The following CPNE2 variants were observed in gnomAD, a reference collection of about 807,000 sequenced individuals.
CPNE2 encodes the protein copine-2.
A neutral mutation model predicts 69.7 loss-of-function variants in CPNE2; 42 were observed. The ratio of observed to expected loss-of-function variants is 0.60; its 90% CI spans 0.47 to 0.78. The LOEUF is 0.78. Ranked by LOEUF, CPNE2 falls within the 30% of genes least tolerant of loss-of-function variation. The pLI, the probability that CPNE2 is intolerant of heterozygous loss-of-function variation, is 0.00. For synonymous variants in CPNE2, 294 were observed against 289.8 expected (o/e 1.01, Z -0.15); for missense variants, 587 against 732.0 (o/e 0.80, Z 2.29).
At chr16:57,103,609 C>G (rs1467195114) in intron 1 of CPNE2, among the ~76,000 whole-genome samples, 7 of 152,226 alleles carry the variant, frequency 4.6e-5, no homozygotes, top group Non-Finnish European at 7.3e-5. Flanking sequence ...CTCTTCTCCC[C>G]TTCGGGGTTA....
Position 57,121,740 on chromosome 16 carries a change from A to G in CPNE2, c.847A>G (p.Ile283Val). 6.2e-7 allele frequency: 1 copy of G among 1,614,204 alleles called. No individual in the cohort carries two copies. The highest frequency in any genetic ancestry group is 8.5e-7 in the Non-Finnish European group (1 of 1,180,032). ...GAAGAACTATAAAAACTCGGGCATC[A>G]TCATCCTGCGATCCTGCAAGGTGAA... ...KKKNYKNSGI[I>V]ILRSCKINRD... is the part of the protein sequence containing the mutation. The change falls in exon 9 of 16, where the codon ATC becomes GTC. Residue 283 changes from isoleucine (I) to valine (V), a missense_variant. Coordinates refer to ENST00000290776, the MANE Select transcript of CPNE2 (RefSeq NM_152727.6).
At chr16:57,123,495 C>G in intron 10 of CPNE2, 22 bp downstream of exon 10, 6 of 1,611,018 alleles carry the variant, frequency 3.7e-6, no homozygotes, top group Non-Finnish European at 5.1e-6. Flanking sequence ...CCCGCTGGCT[C>G]CCTCTGCACC....
intron 10 of CPNE2, chr16:57,125,132 G>T (rs1415470471): frequency 3.4e-5 from 12 of 351,014 alleles, no homozygotes; most frequent in Non-Finnish European, 5.8e-5. Flanking sequence ...GGCAGGGGTT[G>T]TTCTTGCCTA....
At chr16:57,110,951 G>A in intron 2 of CPNE2, 29 bp downstream of exon 2, 6 of 1,591,818 alleles carry the variant, frequency 3.8e-6, no homozygotes, top group Non-Finnish European at 4.3e-6. Context: ...TCTGCGGTGG[G>A]TAAGGGGGTG....
chr16:57,126,105 C>A, intron 11 of CPNE2, 112 bp downstream of exon 11: 2 of 1,357,380 alleles, frequency 1.5e-6, no homozygotes, highest in Admixed American at 2.1e-5. Context: ...GAATGGACAG[C>A]AAATGGCATA....
chr16:57,137,349 T>C, intron 14 of CPNE2, 67 bp downstream of exon 14: 1 of 1,578,872 alleles, frequency 6.3e-7, no homozygotes, highest in Non-Finnish European at 8.6e-7. Flanking sequence ...GGGGGCAGGA[T>C]ATTCTGCCTT....
chr16:57,130,255 T>C lies in CPNE2; in HGVS notation c.1116+2352T>C, dbSNP rs2145269609. 6.6e-6 allele frequency among the ~76,000 whole-genome samples: 1 copy of C among 152,088 alleles called. No individual in the cohort carries two copies. The highest frequency in any genetic ancestry group is 1.9e-4 in the East Asian group (1 of 5,134). On this transcript the variant is annotated intron_variant, in intron 12 of 15. Coordinates refer to ENST00000290776, the MANE Select transcript of CPNE2 (RefSeq NM_152727.6). This position sits in a 1 kb window ranked among gnomAD's most constrained non-coding sequence, Gnocchi z 4.1. ...TTAGCTAGGTGTGGTGGCGGGAGTC[T>C]GTAATCCCAGCTACTCGGGAGGCTG...
chr16:57,101,108 G>T (rs777362319), intron 1 of CPNE2, among the ~76,000 whole-genome samples: 9 of 152,180 alleles, frequency 5.9e-5, no homozygotes, highest in African/African-American at 2.2e-4. Flanking sequence ...AAAGACTAAG[G>T]TTTCTCAAAG....
chr16:57,114,702 A>G (rs2069705141), intron 3 of CPNE2, among the ~76,000 whole-genome samples: 1 of 152,248 alleles, frequency 6.6e-6, no homozygotes, highest in South Asian at 2.1e-4. Context: ...GTGGGCAGAC[A>G]CAGGTGGGAG....
At chr16:57,100,851 AG>A (rs1357858171) in intron 1 of CPNE2, among the ~76,000 whole-genome samples, 1 of 152,180 alleles carries the variant, frequency 6.6e-6, no homozygotes, top group Non-Finnish European at 1.5e-5. Context: ...ACACTTAAGA[AG>A]GGCTAGCCCA....
At chr16:57,144,084 C>T (rs912976267) in intron 14 of CPNE2, 1 of 152,314 alleles carries the variant, frequency 6.6e-6, no homozygotes, top group African/African-American at 2.4e-5. Context: ...GGAAGGGGCC[C>T]AGGAACAGTG....
intron 1 of CPNE2, among the ~76,000 whole-genome samples, chr16:57,109,475 CAAA>C (rs1170223475): frequency 6.3e-5 from 6 of 94,606 alleles, no homozygotes; most frequent in Admixed American, 1.1e-4. Flanking sequence ...GACTCTGCCT[CAAA>C]AAAAAAAAAA....
At chr16:57,099,842 C>A (rs1223177690) in intron 1 of CPNE2, among the ~76,000 whole-genome samples, 2 of 140,362 alleles carry the variant, frequency 1.4e-5, no homozygotes, top group Non-Finnish European at 3.0e-5. Flanking sequence ...GTGGTGCGAT[C>A]TCGGCTCACT....
rs2069550546 is a variant in CPNE2 at position 57,092,599 on chromosome 16, C to G, written c.-227C>G. On this transcript the variant is annotated 5_prime_UTR_variant, in exon 1 of 16. Transcript: ENST00000290776. The surrounding 1 kb of genome is among the most constrained non-coding windows in gnomAD (Gnocchi z 5.3). ...GCCGCCGCCGCCCGCCCGCCCGGCC[C>G]GGGAGGAGGACCGGACCCCGAGCGG... 1 of 150,076 alleles carries G rather than the reference C, an allele frequency of 6.7e-6. No homozygotes were observed. Among genetic ancestry groups the G allele is most frequent in the Non-Finnish European group, 1.5e-5 (1 of 67,450 alleles). The allele number at this position is 150,076 out of a possible 1,614,324, so 9.3% of individuals were successfully genotyped here.
intron 1 of CPNE2, among the ~76,000 whole-genome samples, chr16:57,098,941 G>T (rs1047526595): frequency 5.3e-5 from 8 of 152,270 alleles, no homozygotes; most frequent in South Asian, 2.1e-4. Context: ...TATTGGTTTT[G>T]GTGTTTTTTG....
intron 13 of CPNE2, among the ~76,000 whole-genome samples, chr16:57,136,502 A>G (rs2069882362): frequency 2.0e-5 from 3 of 152,188 alleles, no homozygotes; most frequent in Admixed American, 2.0e-4. Flanking sequence ...TTCTCTGGAA[A>G]GGCCTGAGAG....
intron 4 of CPNE2, among the ~76,000 whole-genome samples, chr16:57,116,945 G>A (rs528706150): frequency 3.3e-5 from 5 of 152,304 alleles, no homozygotes; most frequent in South Asian, 2.1e-4. Context: ...TCTCGAAGTC[G>A]CCCAGCTAGG....
intron 12 of CPNE2, among the ~76,000 whole-genome samples, chr16:57,133,866 G>A (rs1483372227): frequency 1.3e-5 from 2 of 152,136 alleles, no homozygotes; most frequent in Non-Finnish European, 2.9e-5. Context: ...AGGAGTAAGG[G>A]GATTCCTGCA....
intron 12 of CPNE2, among the ~76,000 whole-genome samples, chr16:57,133,428 C>A (rs1010757155): frequency 1.3e-5 from 2 of 152,162 alleles, no homozygotes; most frequent in South Asian, 4.1e-4. Flanking sequence ...AACTCCCACC[C>A]CCAGGGGAGG....
Sources: gnomAD v4.1 joint callset for allele counts (sites outside exome capture counted in the v4.1 genomes callset) on GRCh38, gnomAD v4.1.1 for gene constraint, Gnocchi (gnomAD v3.1) non-coding constraint, MANE v1.5 for transcripts, NCBI Gene and HGNC (gene_info 2026-07-23, HGNC 2026-07-21) for gene names.